SAXO1: variants seen among roughly 807,000 people sequenced by gnomAD.
SAXO1 encodes stabilizer of axonemal microtubules 1, also known as 4930500O09Rik.
In SAXO1, 21 loss-of-function variants were observed where a neutral mutation model predicts 17.5. That is an observed-to-expected ratio of 1.20 (90% CI 0.85 to 1.72). The LOEUF is 1.72. SAXO1 is among the 40% of genes most tolerant of loss of function. SAXO1 has a pLI of 0.00. For missense variants in SAXO1, 843 were observed against 596.0 expected (o/e 1.41, Z -4.32); for synonymous variants, 274 against 216.5 (o/e 1.27, Z -2.33).
chr9:19,003,262 G>T (rs987954323), intron 1 of SAXO1, among the ~76,000 whole-genome samples: 5 of 152,108 alleles, frequency 3.3e-5, no homozygotes, highest in African/African-American at 1.2e-4. Context: ...ACAAACGGAA[G>T]AATATTCCAT....
chr9:19,034,931 G>A (rs765893044), upstream of SAXO1, among the ~76,000 whole-genome samples: 16 of 152,302 alleles, frequency 1.1e-4, no homozygotes, highest in Non-Finnish European at 2.1e-4. Context: ...AACTGCCCTT[G>A]TGGGTGGCCA....
intron 1 of SAXO1, among the ~76,000 whole-genome samples, chr9:18,956,697 T>A (rs1434317939): frequency 6.6e-6 from 1 of 152,206 alleles, no homozygotes; most frequent in Admixed American, 6.5e-5. Flanking sequence ...TACTACTTAG[T>A]ATGATTATGT....
Position 19,014,389 on chromosome 9 carries a change from G to A in SAXO1, c.38+18482C>T, listed in dbSNP as rs1047909793. Among the ~76,000 whole-genome samples, 4 of 145,474 alleles carry A rather than the reference G, an allele frequency of 2.7e-5. 1 individual carries two copies. The highest frequency in any genetic ancestry group is 1.5e-4 in the Admixed American group (2 of 13,670). On this transcript the variant is annotated intron_variant, in intron 1 of 3. Transcript: ENST00000380534. ...AGGCACAAGAATCCCTTGAACCTGG[G>A]GGGCAAGGTTGCAGTTAGCTGAGAT... is the stretch of plus-strand genomic sequence containing the variant.
Position 18,928,528 on chromosome 9 carries a change from C to A in SAXO1, c.949G>T (p.Ala317Ser), listed in dbSNP as rs1448589109. 3 of 1,613,812 alleles carry A rather than the reference C, an allele frequency of 1.9e-6. No individual in the cohort carries two copies. The highest frequency in any genetic ancestry group is 1.3e-5 in the African/African-American group (1 of 74,874). ...GCAGGTCGGCAGGACTGAGCTGGGG[C>A]ACCCTTAGGGCATGTGTAATGGGCC... ...VQAHYTCPKG[A>S]PAQSCRPALQ... The change falls in exon 4 of 4, where the codon GCC becomes TCC. Residue 317 changes from alanine to serine, a missense_variant. Physicochemically the swap from Ala to Ser is moderately conservative, Grantham distance 99 (BLOSUM62 1). Coordinates refer to ENST00000380534, the MANE Select transcript of SAXO1 (RefSeq NM_153707.4).
At chr9:18,959,063 T>A (rs1832374414) in intron 1 of SAXO1, among the ~76,000 whole-genome samples, 1 of 152,092 alleles carries the variant, frequency 6.6e-6, no homozygotes, top group African/African-American at 2.4e-5. Context: ...AAAGACATCT[T>A]ATTTGGTGGC....
intron 1 of SAXO1, among the ~76,000 whole-genome samples, chr9:19,018,404 G>A (rs183648310): frequency 1.3e-5 from 2 of 152,286 alleles, no homozygotes; most frequent in East Asian, 3.9e-4. Context: ...TGCAAAGAAG[G>A]CTTCCAAGAC....
At chr9:18,996,527 T>C (rs1834008244) in intron 1 of SAXO1, among the ~76,000 whole-genome samples, 1 of 152,246 alleles carries the variant, frequency 6.6e-6, no homozygotes. Flanking sequence ...GTATTAAATC[T>C]TATGGAACCA....
intron 3 of SAXO1, among the ~76,000 whole-genome samples, chr9:18,934,430 A>G (rs1831199012): frequency 6.6e-6 from 1 of 152,146 alleles, no homozygotes; most frequent in African/African-American, 2.4e-5. Context: ...TTCTTATGCC[A>G]GCTCAAATCT....
chr9:19,021,065 C>A (rs1307082561), intron 1 of SAXO1, among the ~76,000 whole-genome samples: 1 of 152,230 alleles, frequency 6.6e-6, no homozygotes, highest in Non-Finnish European at 1.5e-5. Context: ...AAACTGCTCT[C>A]CTCTAGCTGC....
In SAXO1 at chr9:18,956,772, A is replaced by C. The variant is rs547348935; in HGVS notation, c.39-5835T>G. 2.0e-5 allele frequency among the ~76,000 whole-genome samples: 3 copies of C among 152,356 alleles called. No homozygotes were observed. The East Asian group carries it at 5.8e-4, about 29-fold the overall frequency. ...TCCAAAGCAAGCAGGCTGTAATTAAAAGGCTAATTTGTGGAGCAATTACTA... is the reference window on the plus strand; with the variant it reads ...TCCAAAGCAAGCAGGCTGTAATTAACAGGCTAATTTGTGGAGCAATTACTA... On this transcript the variant is annotated intron_variant, in intron 1 of 3. Transcript: ENST00000380534.
rs542990799 is a variant in SAXO1, at chr9:18,997,641, T to A, written c.38+35230A>T. On this transcript the variant is annotated intron_variant, in intron 1 of 3. Transcript: ENST00000380534. ...TCCCAGCATGGCATTCAAGCTCTGA[T>A]AACGGACAGACTGCTTCCTTAAGTG... Among the ~76,000 whole-genome samples the A allele has an allele frequency of 2.0e-5, 3 of 152,366 alleles. No homozygotes were observed. In the East Asian group the frequency reaches 5.8e-4, roughly 29 times the overall value.
At chr9:19,024,548 C>A (rs1835393409) in intron 1 of SAXO1, among the ~76,000 whole-genome samples, 1 of 152,050 alleles carries the variant, frequency 6.6e-6, no homozygotes, top group Non-Finnish European at 1.5e-5. Context: ...AGATATGTAA[C>A]TAACCTGCAC....
At chr9:18,946,279 CAAAAAAAAAAAAAAAAA>C (rs56858815) in intron 2 of SAXO1, among the ~76,000 whole-genome samples, 2 of 34,482 alleles carry the variant, frequency 5.8e-5, no homozygotes, top group Non-Finnish European at 1.5e-4. Flanking sequence ...TTCATCTCAC[CAAAAAAAAAAAAAAAAA>C]AAAAAAAAAG....
At chr9:19,010,128 C>CT (rs1488214038) in intron 1 of SAXO1, among the ~76,000 whole-genome samples, 14 of 136,658 alleles carry the variant, frequency 1.0e-4, no homozygotes, top group Non-Finnish European at 6.2e-5. Context: ...TTTGCCTGGC[C>CT]TACATTTTTA....
chr9:18,954,197 AAC>A (rs1832151827), intron 1 of SAXO1, among the ~76,000 whole-genome samples: 2 of 152,214 alleles, frequency 1.3e-5, no homozygotes, highest in Admixed American at 1.3e-4. Flanking sequence ...AAAAGGACAT[AAC>A]ACTGACTTTC....
chr9:18,962,007 G>C (rs1400882548), intron 1 of SAXO1, among the ~76,000 whole-genome samples: 1 of 152,110 alleles, frequency 6.6e-6, no homozygotes, highest in Non-Finnish European at 1.5e-5. Flanking sequence ...TGACTTTTTA[G>C]TGATCACCAT....
intron 1 of SAXO1, among the ~76,000 whole-genome samples, chr9:19,023,140 T>TCC (rs200594848): frequency 9.9e-5 from 10 of 100,830 alleles, no homozygotes; most frequent in Non-Finnish European, 9.9e-5. Context: ...CCAGATTACA[T>TCC]CCCCCCCCAC....
chr9:18,992,551 G>C (rs1833854125), intron 1 of SAXO1, among the ~76,000 whole-genome samples: 1 of 152,122 alleles, frequency 6.6e-6, no homozygotes, highest in Non-Finnish European at 1.5e-5. Flanking sequence ...AATCTTTTGA[G>C]GTGGCACAAT....
chr9:18,998,178 G>A (rs1250320937), intron 1 of SAXO1, among the ~76,000 whole-genome samples: 1 of 152,092 alleles, frequency 6.6e-6, no homozygotes, highest in Non-Finnish European at 1.5e-5. Flanking sequence ...AGCTAAAGGA[G>A]TATGTTCTAA....
Sources: gnomAD v4.1 joint callset for allele counts (sites outside exome capture counted in the v4.1 genomes callset) on GRCh38, gnomAD v4.1.1 for gene constraint, MANE v1.5 for transcripts, NCBI Gene and HGNC (gene_info 2026-07-23, HGNC 2026-07-21) for gene names.